EDA2R: variants seen among roughly 807,000 people sequenced by gnomAD.
EDA2R encodes the protein tumor necrosis factor receptor superfamily member 27.
Under a neutral mutation model 20.1 loss-of-function variants are expected in EDA2R, and 26 were observed. That is an observed-to-expected ratio of 1.30 (90% CI 0.95 to 1.80). The LOEUF (loss-of-function observed/expected upper bound fraction) is 1.80, where lower values mean the gene tolerates loss of function less well. EDA2R is among the 40% of genes most tolerant of loss of function. The probability of loss-of-function intolerance (pLI) is 0.00; values close to 1 mark genes in which losing one functional copy is unlikely to be tolerated. For missense variants in EDA2R, 277 were observed against 228.7 expected (o/e 1.21, Z -1.36); for synonymous variants, 114 against 88.7 (o/e 1.29, Z -1.60).
At position 66,602,520 on chromosome X, in the gene EDA2R, T is replaced by C. The variant is rs1928803369; in HGVS notation, c.517+113A>G. On this transcript the variant is annotated intron_variant, in intron 5 of 6. Transcript: ENST00000374719. ...GGCCAACAGAAGACTATTCATGGGGTTTTCAAGCATGGTAGAAAAGGCCCA... is the reference window on the plus strand; with the variant it reads ...GGCCAACAGAAGACTATTCATGGGGCTTTCAAGCATGGTAGAAAAGGCCCA... 3.5e-6 allele frequency: 3 copies of C among 858,454 alleles called. No homozygotes were observed. In the Admixed American group the frequency reaches 1.2e-4, roughly 34 times the overall value. The allele number at this position is 858,454 out of a possible 1,213,427, so 70.7% of individuals were successfully genotyped here.
chrX:66,600,145 C>A, intron 5 of EDA2R: 1 of 983,754 alleles, frequency 1.0e-6, no homozygotes, highest in Non-Finnish European at 1.4e-6. Flanking sequence ...TACCATCTCC[C>A]TTGCCATAAT....
chrX:66,609,358 C>CT (rs59195342), intron 2 of EDA2R, among the ~76,000 whole-genome samples: 8,810 of 111,398 alleles, frequency 0.079, 855 homozygotes, highest in African/African-American at 0.27. Context: ...CATTCTGCCC[C>CT]ATGTTTGCCC....
At chrX:66,632,457 G>C (rs1242398883) in intron 1 of EDA2R, among the ~76,000 whole-genome samples, 4 of 107,605 alleles carry the variant, frequency 3.7e-5, no homozygotes, top group Non-Finnish European at 7.7e-5. Flanking sequence ...AGGAGGAGGA[G>C]GGTGAGGAGG....
intron 1 of EDA2R, among the ~76,000 whole-genome samples, chrX:66,623,256 A>G (rs1035943492): frequency 1.8e-5 from 2 of 112,357 alleles, no homozygotes; most frequent in African/African-American, 6.5e-5. Context: ...ATGCAGTCAG[A>G]AAAAAAGGTT....
intron 1 of EDA2R, among the ~76,000 whole-genome samples, chrX:66,628,414 A>T (rs1390038598): frequency 9.0e-6 from 1 of 111,379 alleles, no homozygotes; most frequent in Non-Finnish European, 1.9e-5. Context: ...GTTCTTTGAA[A>T]AGACAAATAA....
At chrX:66,603,991 T>A (rs1025071479) in intron 4 of EDA2R, among the ~76,000 whole-genome samples, 2 of 112,122 alleles carry the variant, frequency 1.8e-5, no homozygotes, top group Admixed American at 1.9e-4. Context: ...ATTAGATAAA[T>A]GGATAGTGGT....
intron 1 of EDA2R, among the ~76,000 whole-genome samples, chrX:66,631,374 T>A (rs894014624): frequency 4.5e-5 from 5 of 110,982 alleles, no homozygotes; most frequent in African/African-American, 1.6e-4. Context: ...TTTTAATTAA[T>A]AGATTAAAAA....
In EDA2R at chrX:66,597,901, G is replaced by A; in HGVS notation, c.*203C>T. The A allele has an allele frequency of 2.2e-6, 1 of 458,006 alleles. No homozygotes were observed. Among genetic ancestry groups the A allele is most frequent in the Non-Finnish European group, 3.0e-6 (1 of 335,957 alleles). 37.7% of individuals were successfully genotyped at this position (458,006 alleles called of 1,213,427 possible). A position where few individuals can be genotyped will look rare whatever the true frequency, so the allele number is the denominator to read the frequency against. On this transcript the variant is annotated 3_prime_UTR_variant, in exon 7 of 7. Transcript: ENST00000374719. ...AATCTGGCTCCCCAGACTACAAAAG[G>A]GAAGCAAGAAATGCTCCAGATCAGT...
At chrX:66,635,631 G>T (rs1360113826) in intron 1 of EDA2R, among the ~76,000 whole-genome samples, 2 of 112,133 alleles carry the variant, frequency 1.8e-5, no homozygotes, top group Non-Finnish European at 3.8e-5. Context: ...CAGAGTTGGC[G>T]TAATTGCCCA....
At chrX:66,617,977 C>T (rs1180195392) in intron 1 of EDA2R, among the ~76,000 whole-genome samples, 2 of 109,983 alleles carry the variant, frequency 1.8e-5, no homozygotes, top group African/African-American at 6.6e-5. Context: ...ACCTCTGCCT[C>T]CTGGGTTCAA....
intron 1 of EDA2R, among the ~76,000 whole-genome samples, chrX:66,628,367 A>C (rs185758323): frequency 0.034 from 3,793 of 111,096 alleles, 78 homozygotes; most frequent in Non-Finnish European, 0.058. Context: ...ACAACAACAA[A>C]AAAAAACACA....
chrX:66,611,804 T>G (rs1930788047), intron 2 of EDA2R, among the ~76,000 whole-genome samples: 2 of 111,692 alleles, frequency 1.8e-5, no homozygotes, highest in Admixed American at 9.5e-5. Context: ...TTCACAAATT[T>G]GGTAAAAGAC....
intron 1 of EDA2R, among the ~76,000 whole-genome samples, chrX:66,618,696 T>C (rs1359955281): frequency 2.7e-5 from 3 of 112,187 alleles, no homozygotes; most frequent in Non-Finnish European, 3.8e-5. Context: ...ATCAACATGC[T>C]ACATTCCCTG....
chrX:66,637,767 T>C (rs1387434169), intron 1 of EDA2R, among the ~76,000 whole-genome samples: 1 of 112,441 alleles, frequency 8.9e-6, no homozygotes, highest in Non-Finnish European at 1.9e-5. Context: ...GTGCTAAGTG[T>C]GTGCAAGTAT....
In EDA2R at chrX:66,602,748, AG is replaced by A; in HGVS notation, c.401del (p.Pro134LeufsTer10). The A allele has an allele frequency of 8.4e-7, 1 of 1,197,538 alleles. No homozygotes were observed. Among genetic ancestry groups the A allele is most frequent in the Non-Finnish European group, 1.1e-6 (1 of 888,135 alleles). ...CCAGTGCAACAAGTGTGGCCTCCTG[AG>A]GGGGCACTGTGGGTGTATCTGCCTC... ...LVEADTPTVP[P>X]QEATLVALVS... On this transcript the variant is annotated frameshift_variant, in exon 5 of 7. Coordinates refer to ENST00000374719, the MANE Select transcript of EDA2R (RefSeq NM_021783.5). LOFTEE classifies it high-confidence loss of function.
At chrX:66,608,824 G>C (rs774239378) in intron 2 of EDA2R, among the ~76,000 whole-genome samples, 1 of 111,543 alleles carries the variant, frequency 9.0e-6, no homozygotes, top group South Asian at 3.8e-4. Context: ...TAGAGACAGA[G>C]AGTAGAGGCT....
At chrX:66,603,373 G>C (rs997442534) in intron 4 of EDA2R, among the ~76,000 whole-genome samples, 1 of 111,623 alleles carries the variant, frequency 9.0e-6, no homozygotes, top group Non-Finnish European at 1.9e-5. Context: ...GTGCTCACCA[G>C]TTATCCACAT....
intron 1 of EDA2R, among the ~76,000 whole-genome samples, chrX:66,623,085 C>T (rs1333110338): frequency 9.0e-6 from 1 of 111,598 alleles, no homozygotes; most frequent in Admixed American, 9.5e-5. Context: ...CACCTGGGTC[C>T]CTCCCCTAAG....
At chrX:66,632,504 A>G (rs1017356252) in intron 1 of EDA2R, among the ~76,000 whole-genome samples, 4 of 108,682 alleles carry the variant, frequency 3.7e-5, no homozygotes, top group Non-Finnish European at 7.6e-5. Context: ...GGAAGAAGGA[A>G]GGAAGAAGAA....
Sources: allele counts gnomAD v4.1 joint callset (sites outside exome capture counted in the v4.1 genomes callset), GRCh38; gene constraint gnomAD v4.1.1; transcripts MANE v1.5; gene names NCBI Gene and HGNC (gene_info 2026-07-23, HGNC 2026-07-21).